PLEKHG4: variants seen among roughly 807,000 people sequenced by gnomAD.
PLEKHG4 encodes the protein pleckstrin homology and RhoGEF domain containing G4, also known as puratrophin-1.
A neutral mutation model predicts 136.9 loss-of-function variants in PLEKHG4; 85 were observed. The observed-to-expected ratio is 0.62, with a 90% CI of 0.52 to 0.74. The LOEUF (loss-of-function observed/expected upper bound fraction) is 0.74, where lower values mean the gene tolerates loss of function less well. Among genes scored for constraint, PLEKHG4 ranks in the 30% least tolerant of loss-of-function variants. The pLI is 0.00. For synonymous variants in PLEKHG4, 577 were observed against 646.9 expected (o/e 0.89, Z 1.64); for missense variants, 1,317 against 1,527.8 (o/e 0.86, Z 2.30).
chr16:67,278,671 G>C (rs1470859605), upstream of PLEKHG4: 2 of 152,290 alleles, frequency 1.3e-5, no homozygotes. Context: ...GCGGGTGAAC[G>C]TATAACACAG....
In PLEKHG4 at chr16:67,287,882, T is replaced by C; in HGVS notation, c.3104-16T>C. 6.4e-7 allele frequency: 1 copy of C among 1,556,972 alleles called. No individual in the cohort carries two copies. Among genetic ancestry groups the C allele is most frequent in the Non-Finnish European group, 8.9e-7 (1 of 1,127,772 alleles). On this transcript the variant is annotated splice_polypyrimidine_tract_variant and intron_variant, in intron 18 of 21. Coordinates refer to ENST00000379344, the MANE Select transcript of PLEKHG4 (RefSeq NM_001129729.3). ...TATGTCCAGAAGCATCCCACTTATG[T>C]CCACTCTCCACCCAGAGGTGCGCAT...
rs1567430723 is a variant in PLEKHG4 at position 67,279,928 on chromosome 16, C to T, written c.-117C>T. ...CACTAAGACTGGCACCTCCTGCGGC[C>T]CATGCCCTTCGCCTGCATTGCCCAC... On this transcript the variant is annotated 5_prime_UTR_variant, in exon 2 of 22. Coordinates refer to ENST00000379344, the MANE Select transcript of PLEKHG4 (RefSeq NM_001129729.3). The T allele has an allele frequency of 1.9e-6, 2 of 1,048,798 alleles. No individual in the cohort carries two copies. Among genetic ancestry groups the T allele is most frequent in the Non-Finnish European group, 2.8e-6 (2 of 722,240 alleles). The allele number at this position is 1,048,798 out of a possible 1,614,324, so 65.0% of individuals were successfully genotyped here. A position where few individuals can be genotyped will look rare whatever the true frequency, so the allele number is the denominator to read the frequency against.
rs371996121 is a variant in PLEKHG4 at position 67,287,194 on chromosome 16, C to T, written c.3103+17C>T. ...ACAACAAGGGTGGGTCCATGCCCCT[C>T]CTTCACGCCACACTCCCCTCACTGG... On this transcript the variant is annotated intron_variant, in intron 18 of 21. Transcript: ENST00000379344. 62 of 1,602,152 alleles carry T rather than the reference C, an allele frequency of 3.9e-5. No individual in the cohort carries two copies. The highest frequency in any genetic ancestry group is 1.7e-4 in the Middle Eastern group (1 of 5,830).
In PLEKHG4 at chr16:67,288,823, G is replaced by A. The variant is rs371773676; in HGVS notation, c.*15G>A. ...TGCAGGTCTGAGCCCGGGACTGGAC[G>A]AGCAGTAGATCCAGCAGCCTGCAGC... On this transcript the variant is annotated 3_prime_UTR_variant, in exon 22 of 22. Transcript: ENST00000379344. 70 of 1,613,332 alleles carry A rather than the reference G, an allele frequency of 4.3e-5. No individual in the cohort carries two copies. The highest frequency in any genetic ancestry group is 5.3e-5 in the Non-Finnish European group (62 of 1,179,744).
In PLEKHG4 at chr16:67,282,779, T is replaced by A; in HGVS notation, c.1430T>A (p.Leu477Gln). The A allele has an allele frequency of 1.2e-6, 2 of 1,613,500 alleles. No homozygotes were observed. The highest frequency in any genetic ancestry group is 2.2e-5 in the South Asian group (2 of 91,074). The change falls in exon 11 of 22, where the codon CTG (leucine) becomes CAG (glutamine). Residue 477 changes from leucine to glutamine, a missense_variant. Transcript: ENST00000379344. ...CTGCAGCAGGTGGGCTGGCCAGCAC[T>A]GGAGGAGGCTGGGGAGCCCTCGCTG... ...VWLQQVGWPA[L>Q]EEAGEPSLDM...
chr16:67,284,987 C>T lies in PLEKHG4; in HGVS notation c.1967C>T (p.Ala656Val). ...AAGCTACCACCGGTGGGCAGCACAGCTAGCCTGTGTGTCAGCCAGGTCCCC... is the reference window on the plus strand; with the variant it reads ...AAGCTACCACCGGTGGGCAGCACAGTTAGCCTGTGTGTCAGCCAGGTCCCC... The part of the protein sequence containing the change: ...SLKLPPVGST[A>V]SLCVSQVPAA... The change falls in exon 13 of 22, where the codon GCT becomes GTT. Residue 656 changes from alanine (A) to valine (V), a missense_variant. Coordinates refer to ENST00000379344, the MANE Select transcript of PLEKHG4 (RefSeq NM_001129729.3). The surrounding 1 kb of genome is among the most constrained non-coding windows in gnomAD (Gnocchi z 4.4). The T allele has an allele frequency of 6.2e-7, 1 of 1,613,390 alleles. No homozygotes were observed. Among genetic ancestry groups the T allele is most frequent in the Non-Finnish European group, 8.5e-7 (1 of 1,179,960 alleles).
At chr16:67,285,992 G>A (rs572872226) in intron 14 of PLEKHG4, among the ~76,000 whole-genome samples, 1 of 152,302 alleles carries the variant, frequency 6.6e-6, no homozygotes, top group South Asian at 2.1e-4. Flanking sequence ...CCCAGGTGAG[G>A]TGAGCTCTTA....
In PLEKHG4 at chr16:67,280,665, C is replaced by T. The variant is rs2036170055; in HGVS notation, c.500-46C>T. The T allele has an allele frequency of 1.2e-6, 2 of 1,613,242 alleles. No homozygotes were observed. Among genetic ancestry groups the T allele is most frequent in the Non-Finnish European group, 1.7e-6 (2 of 1,179,502 alleles). ...GAAGCCCGGGTCCAAGTAGGGGTCT[C>T]TGGATAGGTGGTCCAAGGCAGACCC... On this transcript the variant is annotated intron_variant, in intron 2 of 21. Coordinates refer to ENST00000379344, the MANE Select transcript of PLEKHG4 (RefSeq NM_001129729.3). The surrounding 1 kb of genome is among the most constrained non-coding windows in gnomAD (Gnocchi z 4.4).
In PLEKHG4 at chr16:67,288,214, A is replaced by C; in HGVS notation, c.3268A>C (p.Ser1090Arg). The stretch of plus-strand genomic sequence containing the variant: ...TGCCGTAGCCCCGTTTGACCATGAC[A>C]GCCTCTACCTGGGGGCCTCGAACTC... Reference protein sequence around the residue: ...SIAVAPFDHDSLYLGASNSLP... With the variant: ...SIAVAPFDHDRLYLGASNSLP... The change falls in exon 20 of 22, where the codon AGC (serine) becomes CGC (arginine). Residue 1090 changes from serine to arginine, a missense_variant. Ser to Arg is a moderately radical substitution (Grantham distance 110). Transcript: ENST00000379344. 2 of 1,614,022 alleles carry C rather than the reference A, an allele frequency of 1.2e-6. No homozygotes were observed. Among genetic ancestry groups the C allele is most frequent in the Non-Finnish European group, 1.7e-6 (2 of 1,179,998 alleles).
Position 67,284,479 on chromosome 16 carries a change from T to A in PLEKHG4, c.1692+22T>A. ...GGAGGTGGGTGAGAGTCTCCCCAGC[T>A]CCAAGTGATCCATGAGGCCGGAGGG... On this transcript the variant is annotated intron_variant, in intron 12 of 21. Coordinates refer to ENST00000379344, the MANE Select transcript of PLEKHG4 (RefSeq NM_001129729.3). This position sits in a 1 kb window ranked among gnomAD's most constrained non-coding sequence, Gnocchi z 4.4. 1.9e-6 allele frequency: 3 copies of A among 1,611,462 alleles called. No homozygotes were observed. Among genetic ancestry groups the A allele is most frequent in the Non-Finnish European group, 2.5e-6 (3 of 1,178,104 alleles).
chr16:67,281,931 G>C, intron 7 of PLEKHG4, 78 bp from the exon 8 acceptor site: 1 of 1,539,850 alleles, frequency 6.5e-7, no homozygotes, highest in Non-Finnish European at 9.0e-7. Context: ...AGACAAAGCT[G>C]GCTGCAGTGG....
In PLEKHG4 at chr16:67,285,199, C is replaced by T. The variant is rs1310488324; in HGVS notation, c.2179C>T (p.Pro727Ser). The change falls in exon 13 of 22, where the codon CCC becomes TCC. Residue 727 changes from proline to serine, a missense_variant. Coordinates refer to ENST00000379344, the MANE Select transcript of PLEKHG4 (RefSeq NM_001129729.3). Reference protein sequence around the residue: ...PTVPPPGSSDPRSLNRLQLVL... With the variant: ...PTVPPPGSSDSRSLNRLQLVL... Reference sequence around the variant, plus strand: ...TGTGCCTCCACCAGGCAGCTCTGACCCCAGGAGCCTCAACAGGTATGGGCA... The same window carrying T: ...TGTGCCTCCACCAGGCAGCTCTGACTCCAGGAGCCTCAACAGGTATGGGCA... 3.1e-6 allele frequency: 5 copies of T among 1,613,552 alleles called. No individual in the cohort carries two copies. The Admixed American group carries it at 6.7e-5, about 22-fold the overall frequency.
chr16:67,285,535 A>G lies in PLEKHG4; in HGVS notation c.2441A>G (p.His814Arg). Residue 814 changes from histidine to arginine, a missense_variant and splice_region_variant, in exon 14 of 22, where the codon CAT becomes CGT. Physicochemically the swap from His to Arg is conservative, Grantham distance 29. Coordinates refer to ENST00000379344, the MANE Select transcript of PLEKHG4 (RefSeq NM_001129729.3). ...PPRVAYAFLR[H>R]RVQFGMYALY... ...CGAGTGGCCTATGCCTTCCTGCGCC[A>G]TGTAAGCCCGACAGGCCATGTGGTA... is the stretch of plus-strand genomic sequence containing the variant. 1 of 1,606,624 alleles carries G rather than the reference A, an allele frequency of 6.2e-7. No homozygotes were observed. The highest frequency in any genetic ancestry group is 8.5e-7 in the Non-Finnish European group (1 of 1,179,970).
intron 6 of PLEKHG4, 21 bp downstream of exon 6, chr16:67,281,665 G>A: frequency 6.2e-7 from 1 of 1,613,682 alleles, no homozygotes; most frequent in Non-Finnish European, 8.5e-7. Flanking sequence ...CAGTTGGCTA[G>A]GGGTAGAGGT....
Position 67,280,716 on chromosome 16 carries a change from A to T in PLEKHG4, c.505A>T (p.Ser169Cys). Residue 169 changes from serine to cysteine, a missense_variant, in exon 3 of 22, where the codon AGT becomes TGT. Physicochemically the swap from Ser to Cys is moderately radical, Grantham distance 112 (BLOSUM62 -1). Coordinates refer to ENST00000379344, the MANE Select transcript of PLEKHG4 (RefSeq NM_001129729.3). This position sits in a 1 kb window ranked among gnomAD's most constrained non-coding sequence, Gnocchi z 4.4. ...AAGTCATTTCCCTTCCCAAGCCCCCAGTGGATCCGGCCTCCCTAAGCCTGC... is the reference window on the plus strand; with the variant it reads ...AAGTCATTTCCCTTCCCAAGCCCCCTGTGGATCCGGCCTCCCTAAGCCTGC... ...EISKLLEAAP[S>C]GSGLPKPADC... 1 of 1,614,084 alleles carries T rather than the reference A, an allele frequency of 6.2e-7. No homozygotes were observed. The highest frequency in any genetic ancestry group is 1.1e-5 in the South Asian group (1 of 91,084).
chr16:67,285,863 C>T (rs982937811), intron 14 of PLEKHG4, among the ~76,000 whole-genome samples: 1 of 152,066 alleles, frequency 6.6e-6, no homozygotes, highest in Non-Finnish European at 1.5e-5. Context: ...GATGTTTAAG[C>T]TGAGGAATAG....
chr16:67,287,535 G>A, intron 18 of PLEKHG4: 1 of 487,352 alleles, frequency 2.1e-6, no homozygotes, highest in African/African-American at 1.9e-5. Flanking sequence ...AAGTAGCTGA[G>A]ACTACAGGCA....
In PLEKHG4 at chr16:67,286,781, A is replaced by G. The variant is rs755219931; in HGVS notation, c.2787A>G (p.Arg929=). ...TCAAGGAACAGGGGCAGCTGGTGCG[A>G]CAGGATGAGTTTGTGGTGCGCACTG... The part of the protein sequence containing the change: ...VNLKEQGQLV[R]QDEFVVRTGR... The change falls in exon 17 of 22, where the codon CGA becomes CGG. Residue 929 remains arginine (R), a synonymous_variant. Transcript: ENST00000379344. 9 of 1,614,130 alleles carry G rather than the reference A, an allele frequency of 5.6e-6. No homozygotes were observed. The highest frequency in any genetic ancestry group is 1.7e-4 in the Middle Eastern group (1 of 6,054).
intron 17 of PLEKHG4, 38 bp downstream of exon 17, chr16:67,286,957 C>T: frequency 6.2e-7 from 1 of 1,612,998 alleles, no homozygotes; most frequent in South Asian, 1.1e-5. Context: ...ACTTGTTTTC[C>T]CGCCCCATGC....
Sources: gnomAD v4.1 joint callset for allele counts (sites outside exome capture counted in the v4.1 genomes callset) on GRCh38, gnomAD v4.1.1 for gene constraint, Gnocchi (gnomAD v3.1) non-coding constraint, MANE v1.5 for transcripts, NCBI Gene and HGNC (gene_info 2026-07-23, HGNC 2026-07-21) for gene names.